The following ATP6V1A variants were observed in gnomAD, a reference collection of about 807,000 sequenced individuals.
ATP6V1A encodes V-type proton ATPase catalytic subunit A.
ATP6V1A carries 18 observed loss-of-function variants against 70.1 expected under a neutral mutation model. That is an observed-to-expected ratio of 0.26 (90% CI 0.18 to 0.38). The LOEUF (loss-of-function observed/expected upper bound fraction) is 0.38. Ranked by LOEUF, ATP6V1A falls within the 10% of genes least tolerant of loss-of-function variation. The pLI is 1.00. For synonymous variants in ATP6V1A, 232 were observed against 253.8 expected, an observed-to-expected ratio of 0.91 and a Z score of 0.82; for missense variants, 424 against 772.4, an observed-to-expected ratio of 0.55 and a Z score of 5.35.
chr3:113,795,798 A>G (rs915163495), intron 10 of ATP6V1A, 78 bp from the exon 11 acceptor site: 2 of 1,123,662 alleles, frequency 1.8e-6, no homozygotes, highest in Non-Finnish European at 2.5e-6. Flanking sequence ...AAAAGTTAAC[A>G]TTTATATATA....
In ATP6V1A at chr3:113,795,091, T is replaced by G; in HGVS notation, c.1113T>G (p.Asp371Glu). Residue 371 changes from aspartate to glutamate, a missense_variant and splice_region_variant, in exon 10 of 15, where the codon GAT (aspartate) becomes GAG (glutamate). Physicochemically the swap from Asp to Glu is conservative, Grantham distance 45 (BLOSUM62 2). Coordinates refer to ENST00000273398, the MANE Select transcript of ATP6V1A (RefSeq NM_001690.4). ...ISGRLAEMPA[D>E]SGYPAYLGAR... ...TTAAAATTTCTTTTCATTTTTCAGA[T>G]AGTGGATATCCAGCCTATCTTGGTG... 6.2e-7 allele frequency: 1 copy of G among 1,613,864 alleles called. No individual in the cohort carries two copies. Among genetic ancestry groups the G allele is most frequent in the African/African-American group, 1.3e-5 (1 of 75,022 alleles).
At chr3:113,794,093 C>G (rs1388200479) in intron 8 of ATP6V1A, among the ~76,000 whole-genome samples, 2 of 152,158 alleles carry the variant, frequency 1.3e-5, no homozygotes, top group Non-Finnish European at 2.9e-5. Context: ...GAACCCAACA[C>G]TCGTTTCTGT....
intron 12 of ATP6V1A, among the ~76,000 whole-genome samples, chr3:113,799,515 A>G (rs1042671782): frequency 6.6e-6 from 1 of 152,224 alleles, no homozygotes; most frequent in Non-Finnish European, 1.5e-5. Flanking sequence ...AACTAGGATT[A>G]AGACCAGCAT....
At chr3:113,763,694 C>A (rs1302591066) in intron 1 of ATP6V1A, among the ~76,000 whole-genome samples, 1 of 152,088 alleles carries the variant, frequency 6.6e-6, no homozygotes, top group Non-Finnish European at 1.5e-5. Flanking sequence ...ATTTTTCTCC[C>A]ATATTTTTAA....
chr3:113,780,953 G>A, intron 2 of ATP6V1A, 97 bp from the exon 3 acceptor site: 5 of 1,449,976 alleles, frequency 3.4e-6, no homozygotes, highest in Non-Finnish European at 4.6e-6. Flanking sequence ...ATATGAGAGA[G>A]GCACAATACT....
rs576507958 is a variant in ATP6V1A, at chr3:113,786,540, A to C, written c.716+157A>C. 9.2e-5 allele frequency among the ~76,000 whole-genome samples: 14 copies of C among 152,262 alleles called. No homozygotes were observed. In the East Asian group the frequency reaches 2.7e-3, roughly 29 times the overall value. On this transcript the variant is annotated intron_variant, in intron 6 of 14. Transcript: ENST00000273398. ...TTAAATATTTTTATCTATTGCTAGC[A>C]CTTATTATAAATTCAAACCATTGAA...
intron 3 of ATP6V1A, among the ~76,000 whole-genome samples, chr3:113,781,390 G>A (rs113530467): frequency 6.6e-6 from 1 of 152,132 alleles, no homozygotes; most frequent in Non-Finnish European, 1.5e-5. Context: ...AGTGGCAGGC[G>A]CCTGTAATCC....
At chr3:113,777,219 A>G (rs1708924336) in intron 1 of ATP6V1A, among the ~76,000 whole-genome samples, 1 of 152,260 alleles carries the variant, frequency 6.6e-6, no homozygotes, top group Admixed American at 6.5e-5. Flanking sequence ...TTGTATATCA[A>G]TAAACAAAGA....
At chr3:113,756,805 T>C (rs2108009267) in intron 1 of ATP6V1A, among the ~76,000 whole-genome samples, 1 of 152,348 alleles carries the variant, frequency 6.6e-6, no homozygotes, top group African/African-American at 2.4e-5. Context: ...AAAGCAATTA[T>C]GTAAGAGTGT....
In ATP6V1A at chr3:113,763,902, T is replaced by TA. The variant is rs372106869; in HGVS notation, c.-13-14838dup. 1.1e-3 allele frequency among the ~76,000 whole-genome samples: 171 copies of TA among 152,292 alleles called. 3 individuals carry two copies. The highest frequency in any genetic ancestry group is 3.8e-3 in the African/African-American group (158 of 41,558). On this transcript the variant is annotated intron_variant, in intron 1 of 14. Transcript: ENST00000273398. ...GTTGTGAGACATCAGCATGAATTCT[T>TA]AGGTGGTTGTCTTACCTTGACTTTA...
intron 12 of ATP6V1A, chr3:113,802,746 T>C (rs1364378758): frequency 6.6e-6 from 1 of 152,250 alleles, no homozygotes; most frequent in Non-Finnish European, 1.5e-5. Context: ...GCAACCTCCA[T>C]CTGCCTCCCA....
chr3:113,793,105 G>A (rs908354295), intron 8 of ATP6V1A, among the ~76,000 whole-genome samples: 1 of 152,034 alleles, frequency 6.6e-6, no homozygotes, highest in Non-Finnish European at 1.5e-5. Context: ...AGTCACCCAG[G>A]CTGGAATGCA....
chr3:113,775,659 T>C (rs192041866), intron 1 of ATP6V1A, among the ~76,000 whole-genome samples: 1 of 152,348 alleles, frequency 6.6e-6, no homozygotes, highest in East Asian at 1.9e-4. Flanking sequence ...AGCATGTTAT[T>C]GGTAGGACCA....
At chr3:113,793,793 A>G (rs1485511309) in intron 8 of ATP6V1A, among the ~76,000 whole-genome samples, 1 of 152,176 alleles carries the variant, frequency 6.6e-6, no homozygotes, top group Non-Finnish European at 1.5e-5. Context: ...TCCACTAATT[A>G]TGTTAATTTT....
chr3:113,762,798 ATAAAT>A (rs1321030455), intron 1 of ATP6V1A, among the ~76,000 whole-genome samples: 5 of 152,160 alleles, frequency 3.3e-5, no homozygotes, highest in African/African-American at 1.2e-4. Flanking sequence ...AGGATTTCAG[ATAAAT>A]TAATACTACA....
intron 12 of ATP6V1A, among the ~76,000 whole-genome samples, chr3:113,798,903 T>C (rs931038753): frequency 1.3e-5 from 2 of 152,204 alleles, no homozygotes; most frequent in African/African-American, 4.8e-5. Flanking sequence ...TCTCAGATAG[T>C]ATGCAATGCT....
At chr3:113,798,218 TTGTG>T in intron 11 of ATP6V1A, 21 bp from the exon 12 acceptor site, 1 of 1,607,900 alleles carries the variant, frequency 6.2e-7, no homozygotes, top group Non-Finnish European at 8.5e-7. Flanking sequence ...ATTACTGTTT[TTGTG>T]TGTGTGTTTT....
chr3:113,747,737 T>G (rs1187413448), intron 1 of ATP6V1A, among the ~76,000 whole-genome samples: 3 of 152,216 alleles, frequency 2.0e-5, no homozygotes, highest in Non-Finnish European at 2.9e-5. Flanking sequence ...CTTTTTCTTC[T>G]CTGCAGAGAG....
At chr3:113,784,623 TA>T (rs747083853) in intron 4 of ATP6V1A, 72 bp from the exon 5 acceptor site, 4 of 1,553,370 alleles carry the variant, frequency 2.6e-6, no homozygotes, top group Non-Finnish European at 3.5e-6. Flanking sequence ...GTAATTGATT[TA>T]AATTATAGCA....
Sources: gnomAD v4.1 joint callset for allele counts (sites outside exome capture counted in the v4.1 genomes callset) on GRCh38, gnomAD v4.1.1 for gene constraint, MANE v1.5 for transcripts, NCBI Gene and HGNC (gene_info 2026-07-23, HGNC 2026-07-21) for gene names.